The following RGSL1 variants were observed in gnomAD, a reference collection of about 807,000 sequenced individuals.
RGSL1 encodes regulator of G protein signaling protein-like.
Under a neutral mutation model 124.7 loss-of-function variants are expected in RGSL1, and 97 were observed. That is an observed-to-expected ratio of 0.78 (90% confidence interval 0.66 to 0.92). The LOEUF (loss-of-function observed/expected upper bound fraction) is 0.92, where lower values mean the gene tolerates loss of function less well. RGSL1 is among the 40% of genes least tolerant of loss of function. RGSL1 has a pLI of 0.00. For synonymous variants in RGSL1, 424 were observed against 438.1 expected (o/e 0.97, Z 0.40); for missense variants, 1,233 against 1,288.4 (o/e 0.96, Z 0.66).
At position 182,540,423 on chromosome 1, in the gene RGSL1, TA is replaced by T; in HGVS notation, c.2669+4del. The T allele has an allele frequency of 6.5e-7, 1 of 1,549,396 alleles. No homozygotes were observed. ...ATATTTCTTTTCTGAAATGGAGAAG[TA>T]AGTTTTCCACTTCTCCTTCTTCTGC... On this transcript the variant is annotated splice_donor_region_variant and intron_variant, in intron 15 of 21. Coordinates refer to ENST00000294854, the MANE Select transcript of RGSL1 (RefSeq NM_001137669.2).
intron 4 of RGSL1, among the ~76,000 whole-genome samples, chr1:182,461,593 C>A (rs1242510742): frequency 6.7e-6 from 1 of 150,212 alleles, no homozygotes; most frequent in Non-Finnish European, 1.5e-5. Flanking sequence ...GGTCAAAGAA[C>A]TAAAGGAAGA....
At chr1:182,530,569 C>CACACACACAT (rs1659101549) in intron 12 of RGSL1, among the ~76,000 whole-genome samples, 1 of 84,798 alleles carries the variant, frequency 1.2e-5, no homozygotes, top group Non-Finnish European at 2.7e-5. Context: ...ACACACATTT[C>CACACACACAT]TGTTTGTTTG....
chr1:182,540,193 G>A (rs1056818448), intron 14 of RGSL1, 54 bp from the exon 15 acceptor site: 7 of 1,476,444 alleles, frequency 4.7e-6, no homozygotes, highest in Admixed American at 2.3e-5. Flanking sequence ...CCAGGTTGAG[G>A]GTAAGAGTGA....
chr1:182,512,264 A>T (rs1347107009), intron 9 of RGSL1, among the ~76,000 whole-genome samples: 1 of 151,630 alleles, frequency 6.6e-6, no homozygotes, highest in African/African-American at 2.4e-5. Context: ...TTATATAGTG[A>T]CTCTCTGTCT....
chr1:182,476,609 T>C (rs1654308073), intron 6 of RGSL1, among the ~76,000 whole-genome samples: 1 of 152,234 alleles, frequency 6.6e-6, no homozygotes, highest in South Asian at 2.1e-4. Flanking sequence ...ACAGTGATTC[T>C]GTCAAAACAT....
At chr1:182,483,387 A>G (rs182237010) in intron 6 of RGSL1, among the ~76,000 whole-genome samples, 1 of 152,298 alleles carries the variant, frequency 6.6e-6, no homozygotes, top group East Asian at 1.9e-4. Flanking sequence ...AGTTGTATAC[A>G]TTAAATTTCT....
intron 15 of RGSL1, among the ~76,000 whole-genome samples, chr1:182,542,149 C>G (rs1659931435): frequency 6.6e-6 from 1 of 152,078 alleles, no homozygotes; most frequent in African/African-American, 2.4e-5. Context: ...TTGCCCAAAC[C>G]AATGTCCTGC....
intron 4 of RGSL1, among the ~76,000 whole-genome samples, chr1:182,463,069 G>A (rs553195831): frequency 3.0e-4 from 46 of 152,142 alleles, no homozygotes; most frequent in Admixed American, 1.2e-3. Flanking sequence ...TGAGACGGGC[G>A]GATCATGAGG....
At chr1:182,511,734 T>C (rs522116) in intron 9 of RGSL1, among the ~76,000 whole-genome samples, 118,793 of 152,100 alleles carry the variant, frequency 0.78, 47,484 homozygotes, top group Non-Finnish European at 0.87. Flanking sequence ...TTTGGGGGTC[T>C]TTTGTGATTT....
chr1:182,514,164 A>T (rs664833), intron 9 of RGSL1, among the ~76,000 whole-genome samples: 120,168 of 152,026 alleles, frequency 0.79, 48,687 homozygotes, highest in Non-Finnish European at 0.89. Context: ...AAGTGCTGGG[A>T]TTATAGGCGT....
At chr1:182,477,657 C>T (rs763851955) in intron 6 of RGSL1, among the ~76,000 whole-genome samples, 4 of 152,296 alleles carry the variant, frequency 2.6e-5, no homozygotes, top group Non-Finnish European at 4.4e-5. Context: ...CTTGAGACAG[C>T]CCCAACTGCC....
chr1:182,461,723 T>C (rs1558233724), intron 4 of RGSL1, among the ~76,000 whole-genome samples: 1 of 151,962 alleles, frequency 6.6e-6, no homozygotes, highest in East Asian at 1.9e-4. Context: ...AAAATTCTAC[T>C]AGAAAGATTT....
At chr1:182,468,101 T>C (rs1653500933) in intron 4 of RGSL1, among the ~76,000 whole-genome samples, 1 of 152,150 alleles carries the variant, frequency 6.6e-6, no homozygotes, top group Admixed American at 6.5e-5. Context: ...TGGCGATCAT[T>C]AAAAAGTCAG....
intron 20 of RGSL1, chr1:182,555,450 G>A (rs1047994559): frequency 6.4e-6 from 1 of 155,506 alleles, no homozygotes; most frequent in African/African-American, 2.4e-5. Context: ...GGGAAAGAAA[G>A]AAGATCTGTT....
intron 14 of RGSL1, among the ~76,000 whole-genome samples, chr1:182,538,609 C>A (rs745436534): frequency 1.1e-4 from 16 of 151,794 alleles, no homozygotes; most frequent in Non-Finnish European, 2.1e-4. Flanking sequence ...GAATATACTA[C>A]ACAAAAGCAA....
At position 182,489,007 on chromosome 1, in the gene RGSL1, C is replaced by G; in HGVS notation, c.1522C>G (p.Gln508Glu). 1 of 1,551,124 alleles carries G rather than the reference C, an allele frequency of 6.4e-7. No homozygotes were observed. Among genetic ancestry groups the G allele is most frequent in the South Asian group, 1.2e-5 (1 of 84,032 alleles). The change falls in exon 8 of 22, where the codon CAG (glutamine) becomes GAG (glutamate). Residue 508 changes from glutamine to glutamate, a missense_variant. By Grantham distance (29) the Gln-to-Glu change is conservative. Coordinates refer to ENST00000294854, the MANE Select transcript of RGSL1 (RefSeq NM_001137669.2). ...TTQNRFISSR[Q>E]HKREFIGKEE... Reference sequence around the variant, plus strand: ...ACAGAACAGGTTCATCAGCTCCAGACAGCATAAAAGAGAATTTATAGGCAA... The same window carrying G: ...ACAGAACAGGTTCATCAGCTCCAGAGAGCATAAAAGAGAATTTATAGGCAA...
chr1:182,525,276 A>G (rs958162253), intron 10 of RGSL1, among the ~76,000 whole-genome samples: 1 of 152,182 alleles, frequency 6.6e-6, no homozygotes, highest in African/African-American at 2.4e-5. Context: ...TGGTCCATCC[A>G]CAGGGAGAAT....
At chr1:182,508,666 CTATT>C (rs1657033973) in intron 9 of RGSL1, among the ~76,000 whole-genome samples, 1 of 39,802 alleles carries the variant, frequency 2.5e-5, no homozygotes, top group Non-Finnish European at 5.5e-5. Flanking sequence ...TACCTATTGA[CTATT>C]TGTTTTTTTT....
intron 8 of RGSL1, among the ~76,000 whole-genome samples, chr1:182,489,717 AC>A (rs1655381720): frequency 6.6e-6 from 1 of 152,168 alleles, no homozygotes; most frequent in Non-Finnish European, 1.5e-5. Flanking sequence ...CTGGGGTTAC[AC>A]CCGTGCTCTC....
Sources: gnomAD v4.1 joint callset for allele counts (sites outside exome capture counted in the v4.1 genomes callset) on GRCh38, gnomAD v4.1.1 for gene constraint, MANE v1.5 for transcripts, NCBI Gene and HGNC (gene_info 2026-07-23, HGNC 2026-07-21) for gene names.